Variants in MTR observed in about 807,000 individuals in gnomAD.
MTR encodes the protein methionine synthase.
Under a neutral mutation model 154.8 loss-of-function variants are expected in MTR, and 84 were observed. That is an observed-to-expected ratio of 0.54 (90% CI 0.45 to 0.65). The LOEUF (loss-of-function observed/expected upper bound fraction) is 0.65, where lower values mean the gene tolerates loss of function less well. MTR is among the 30% of genes least tolerant of loss of function. The pLI, the probability that MTR is intolerant of heterozygous loss-of-function variation, is 0.00. For missense variants in MTR, 1,275 were observed against 1,570.2 expected (o/e 0.81, Z 3.18); for synonymous variants, 554 against 553.9 (o/e 1.00, Z 0.00).
intron 12 of MTR, among the ~76,000 whole-genome samples, chr1:236,831,083 A>C (rs1320066552): frequency 6.6e-6 from 1 of 152,226 alleles, no homozygotes; most frequent in Non-Finnish European, 1.5e-5. Flanking sequence ...ACTCAGAGGC[A>C]TATGGGAAGT....
chr1:236,799,012 A>G (rs1001715622), intron 1 of MTR, among the ~76,000 whole-genome samples: 1 of 152,228 alleles, frequency 6.6e-6, no homozygotes, highest in Admixed American at 6.5e-5. Flanking sequence ...AATAGTGAAC[A>G]CTTAATACCA....
chr1:236,888,643 T>C (rs968791748), intron 27 of MTR, among the ~76,000 whole-genome samples: 22 of 152,220 alleles, frequency 1.4e-4, no homozygotes, highest in African/African-American at 5.1e-4. Flanking sequence ...GGATTATGTA[T>C]TGAGGAGTAT....
At chr1:236,838,390 A>G in intron 14 of MTR, 24 bp from the exon 15 acceptor site, 5 of 1,613,544 alleles carry the variant, frequency 3.1e-6, no homozygotes, top group Non-Finnish European at 4.2e-6. Context: ...CCTCTGTGTG[A>G]TTTTCTTGCC....
chr1:236,875,659 T>C (rs1665389749), intron 24 of MTR, among the ~76,000 whole-genome samples: 2 of 151,986 alleles, frequency 1.3e-5, no homozygotes, highest in Admixed American at 1.3e-4. Context: ...AGAAATACAA[T>C]AAAGATCTGG....
In MTR at chr1:236,812,950, A is replaced by G. The variant is rs1341165796; in HGVS notation, c.609+106A>G. 6 of 889,008 alleles carry G rather than the reference A, an allele frequency of 6.7e-6. No individual in the cohort carries two copies. In the Admixed American group the frequency reaches 1.1e-4, roughly 17 times the overall value. 55.1% of individuals were successfully genotyped at this position (889,008 alleles called of 1,614,324 possible). On this transcript the variant is annotated intron_variant, in intron 6 of 32. Transcript: ENST00000366577. The stretch of plus-strand genomic sequence containing the variant: ...AGCCATTATCAAAGTTAAATAAATT[A>G]CCTGTATTTGCTCCATTTTATTCTT...
chr1:236,822,240 G>GTT (rs138173027), intron 8 of MTR, among the ~76,000 whole-genome samples: 12 of 149,396 alleles, frequency 8.0e-5, no homozygotes, highest in African/African-American at 2.7e-4. Context: ...GAATTTTATA[G>GTT]TTTTTTTCAT....
intron 22 of MTR, among the ~76,000 whole-genome samples, chr1:236,872,229 T>A (rs918584107): frequency 3.3e-5 from 5 of 152,140 alleles, no homozygotes; most frequent in Non-Finnish European, 7.4e-5. Context: ...CTCTCCTCCA[T>A]GAATTGAAAT....
intron 22 of MTR, among the ~76,000 whole-genome samples, chr1:236,864,784 T>G (rs60866449): frequency 0.077 from 11,751 of 152,252 alleles, 949 homozygotes; most frequent in African/African-American, 0.2. Context: ...AAAATTCACT[T>G]CAGTTAATGT....
intron 25 of MTR, among the ~76,000 whole-genome samples, chr1:236,882,499 T>C (rs2147909183): frequency 7.6e-6 from 1 of 132,184 alleles, no homozygotes; most frequent in South Asian, 2.3e-4. Context: ...CAAGCAATTC[T>C]CCTGCCTCAG....
chr1:236,853,566 G>A (rs1029605931), intron 18 of MTR, among the ~76,000 whole-genome samples: 44 of 152,230 alleles, frequency 2.9e-4, no homozygotes, highest in African/African-American at 1.0e-3. Flanking sequence ...TACTCTAGAT[G>A]CTTTTATGGT....
chr1:236,820,394 G>T lies in MTR; in HGVS notation c.765-3725G>T, dbSNP rs535217314. On this transcript the variant is annotated intron_variant, in intron 8 of 32. Transcript: ENST00000366577. ...GCAGATTGGTCTGAGGCATGCAGGT[G>T]CCCTCTGTGCCTATTCAGCAGTTTC... is the stretch of plus-strand genomic sequence containing the variant. 105 of 851,698 alleles carry T rather than the reference G, an allele frequency of 1.2e-4. No individual in the cohort carries two copies. In the South Asian group the frequency reaches 1.3e-3, roughly 11 times the overall value. 52.8% of individuals were successfully genotyped at this position (851,698 alleles called of 1,614,324 possible). A position where few individuals can be genotyped will look rare whatever the true frequency, so the allele number is the denominator to read the frequency against.
intron 29 of MTR, 74 bp from the exon 30 acceptor site, chr1:236,894,283 G>A: frequency 7.1e-7 from 1 of 1,408,164 alleles, no homozygotes; most frequent in Non-Finnish European, 1.0e-6. Flanking sequence ...ATACCCGATT[G>A]CTCTTCATGG....
intron 30 of MTR, chr1:236,894,817 A>C (rs1195983863): frequency 3.8e-6 from 2 of 523,780 alleles, no homozygotes; most frequent in East Asian, 6.7e-5. Flanking sequence ...CTTTATCTCT[A>C]CCTTATCTCT....
At position 236,861,281 on chromosome 1, in the gene MTR, A is replaced by G; in HGVS notation, c.2196+4A>G. 1 of 1,613,912 alleles carries G rather than the reference A, an allele frequency of 6.2e-7. No homozygotes were observed. On this transcript the variant is annotated splice_donor_region_variant and intron_variant, in intron 20 of 32. Transcript: ENST00000366577. Reference sequence around the variant, plus strand: ...TGGAAAAATGTTTCTACCTCAGGTTAGCAAAATATGGGGAGAAATTTTCAC... The same window carrying G: ...TGGAAAAATGTTTCTACCTCAGGTTGGCAAAATATGGGGAGAAATTTTCAC...
At chr1:236,855,848 CTG>C (rs1664174740) in intron 18 of MTR, among the ~76,000 whole-genome samples, 1 of 152,166 alleles carries the variant, frequency 6.6e-6, no homozygotes, top group Admixed American at 6.5e-5. Flanking sequence ...TATGTGAAAA[CTG>C]TGTAGCACCT....
At chr1:236,806,292 G>T in intron 3 of MTR, 59 bp downstream of exon 3, 2 of 1,357,278 alleles carry the variant, frequency 1.5e-6, no homozygotes, top group South Asian at 2.3e-5. Flanking sequence ...TGCATTGGTA[G>T]TTGCTAGTGA....
intron 5 of MTR, among the ~76,000 whole-genome samples, 153 bp downstream of exon 5, chr1:236,810,748 A>G (rs958478024): frequency 6.6e-6 from 1 of 152,240 alleles, no homozygotes; most frequent in Non-Finnish European, 1.5e-5. Flanking sequence ...TGCCTGGAAT[A>G]TAGTAGACAT....
intron 2 of MTR, among the ~76,000 whole-genome samples, chr1:236,805,474 A>G (rs1023617854): frequency 2.6e-5 from 4 of 151,960 alleles, no homozygotes; most frequent in Non-Finnish European, 5.9e-5. Context: ...CATTTGATGC[A>G]TTATCTTTTT....
At position 236,897,828 on chromosome 1, in the gene MTR, A is replaced by AAAC. The variant is rs1666751680; in HGVS notation, c.*186_*188dup. The AAAC allele has an allele frequency of 1.6e-6, 1 of 621,164 alleles. No individual in the cohort carries two copies. The highest frequency in any genetic ancestry group is 2.8e-6 in the Non-Finnish European group (1 of 356,250). The allele number at this position is 621,164 out of a possible 1,614,324, so 38.5% of individuals were successfully genotyped here. A position where few individuals can be genotyped will look rare whatever the true frequency, so the allele number is the denominator to read the frequency against. On this transcript the variant is annotated 3_prime_UTR_variant, in exon 33 of 33. Transcript: ENST00000366577. ...GCAGGGTCTTCCTGCAGTGCCTGGA[A>AAAC]AACAGGCGCTGTTTTTTTGGGACCT...
Sources: allele counts gnomAD v4.1 joint callset (sites outside exome capture counted in the v4.1 genomes callset), GRCh38; gene constraint gnomAD v4.1.1; transcripts MANE v1.5; gene names NCBI Gene and HGNC (gene_info 2026-07-23, HGNC 2026-07-21).